EPCAM: variants seen among roughly 807,000 people sequenced by gnomAD.
EPCAM encodes adenocarcinoma-associated antigen.
EPCAM carries 39 observed loss-of-function variants against 40.0 expected under a neutral mutation model. That is an observed-to-expected ratio of 0.98 (90% CI 0.76 to 1.27). The LOEUF is 1.27. Ranked by LOEUF, EPCAM falls within the 50% of genes most tolerant of loss-of-function variation. The pLI is 0.00. For missense variants in EPCAM, 503 were observed against 381.2 expected (o/e 1.32, Z -2.66); for synonymous variants, 168 against 132.3 (o/e 1.27, Z -1.85).
chr2:47,373,205 T>TTAAAAA (rs1553342882), intron 1 of EPCAM, among the ~76,000 whole-genome samples: 3 of 65,048 alleles, frequency 4.6e-5, no homozygotes, highest in Non-Finnish European at 6.4e-5. Context: ...ACCCTATCTT[T>TTAAAAA]AAAAAAAAAA....
intron 8 of EPCAM, 26 bp downstream of exon 8, chr2:47,385,236 A>G: frequency 6.3e-7 from 1 of 1,593,374 alleles, no homozygotes; most frequent in Non-Finnish European, 8.6e-7. Context: ...ACCTAAATAG[A>G]AAGGCCCTGT....
At chr2:47,369,912 A>C (rs538587208) in intron 1 of EPCAM, 6 of 443,810 alleles carry the variant, frequency 1.4e-5, no homozygotes, top group Non-Finnish European at 2.6e-5. Context: ...GCCCTGGCGC[A>C]CCCACGTCCT....
intron 1 of EPCAM, among the ~76,000 whole-genome samples, chr2:47,369,988 CCAGCGGGCTCGCCCTTGTCCTTG>C (rs1165743688): frequency 2.6e-5 from 4 of 152,204 alleles, no homozygotes; most frequent in African/African-American, 9.6e-5. Context: ...ACGACAGGGA[CCAGCGGGCTCGCCCTTGTCCTTG>C]CAGCGGGCCC....
intron 7 of EPCAM, among the ~76,000 whole-genome samples, chr2:47,381,476 C>T (rs962034246): frequency 6.6e-6 from 1 of 151,490 alleles, no homozygotes. Flanking sequence ...CTTAGATTTC[C>T]AGTTCAATCA....
chr2:47,375,191 A>G lies in EPCAM; in HGVS notation c.426-43A>G, dbSNP rs1470830160. The G allele has an allele frequency of 2.8e-6, 4 of 1,404,178 alleles. No individual in the cohort carries two copies. In the East Asian group the frequency reaches 9.1e-5, roughly 32 times the overall value. The allele number at this position is 1,404,178 out of a possible 1,614,324, so 87.0% of individuals were successfully genotyped here. ...TAGCTTATTAGGAAAATAGTATGGA[A>G]GACTGAGTTATAGTCAACTGACATT... On this transcript the variant is annotated intron_variant, in intron 3 of 8. Transcript: ENST00000263735.
intron 1 of EPCAM, among the ~76,000 whole-genome samples, chr2:47,373,228 A>T (rs995288482): frequency 6.6e-6 from 1 of 150,686 alleles, no homozygotes; most frequent in African/African-American, 2.4e-5. Flanking sequence ...AAAAAAAAAA[A>T]AAAAAAACAG....
intron 7 of EPCAM, chr2:47,383,447 G>A (rs1480562009): frequency 6.6e-6 from 1 of 151,130 alleles, no homozygotes; most frequent in Admixed American, 6.6e-5. Context: ...GGGACTACAT[G>A]CAGAAGCCAC....
chr2:47,375,151 C>T (rs184405344), intron 3 of EPCAM, 83 bp from the exon 4 acceptor site: 23 of 1,047,008 alleles, frequency 2.2e-5, no homozygotes, highest in South Asian at 8.0e-5. Flanking sequence ...CCTTATAATT[C>T]GAGAATTTTA....
intron 6 of EPCAM, among the ~76,000 whole-genome samples, 154 bp from the exon 7 acceptor site, chr2:47,379,615 A>G (rs1005250854): frequency 6.6e-6 from 1 of 152,162 alleles, no homozygotes; most frequent in Admixed American, 6.6e-5. Flanking sequence ...TGTAATAAAC[A>G]GTTTTTTAAA....
intron 7 of EPCAM, among the ~76,000 whole-genome samples, chr2:47,380,548 G>T (rs775288858): frequency 6.6e-6 from 1 of 152,106 alleles, no homozygotes; most frequent in African/African-American, 2.4e-5. Flanking sequence ...GCGTCTTTCA[G>T]TTGTCACTGC....
intron 6 of EPCAM, 61 bp from the exon 7 acceptor site, chr2:47,379,708 A>C: frequency 6.4e-7 from 1 of 1,572,150 alleles, no homozygotes; most frequent in East Asian, 2.2e-5. Flanking sequence ...GTATGTAATT[A>C]TATGTGGCCA....
chr2:47,371,364 G>A (rs1018345371), intron 1 of EPCAM, among the ~76,000 whole-genome samples: 1 of 152,036 alleles, frequency 6.6e-6, no homozygotes, highest in Non-Finnish European at 1.5e-5. Flanking sequence ...AGGCTCAAGC[G>A]ATGCTCTTAC....
intron 1 of EPCAM, among the ~76,000 whole-genome samples, chr2:47,371,071 C>T (rs1671249879): frequency 6.6e-6 from 1 of 152,164 alleles, no homozygotes; most frequent in Non-Finnish European, 1.5e-5. Flanking sequence ...TCTCGAACTC[C>T]TGGGCTCAAG....
chr2:47,373,898 A>ATGG lies in EPCAM; in HGVS notation c.276_278dup (p.Gly93dup). The ATGG allele has an allele frequency of 6.2e-7, 1 of 1,614,154 alleles. No individual in the cohort carries two copies. Among genetic ancestry groups the ATGG allele is most frequent in the Non-Finnish European group, 8.5e-7 (1 of 1,180,024 alleles). ...CCTGAAGGGGCCCTCCAGAACAATG[A>ATGG]TGGGCTTTATGATCCTGACTGCGAT... On this transcript the variant is annotated inframe_insertion, in exon 3 of 9. Transcript: ENST00000263735.
At chr2:47,384,742 T>C (rs1671693010) in intron 7 of EPCAM, among the ~76,000 whole-genome samples, 1 of 152,140 alleles carries the variant, frequency 6.6e-6, no homozygotes, top group Non-Finnish European at 1.5e-5. Context: ...GGTCTTACTC[T>C]GTAGCCCAGG....
At chr2:47,382,854 A>G (rs1318800493) in intron 7 of EPCAM, among the ~76,000 whole-genome samples, 1 of 152,192 alleles carries the variant, frequency 6.6e-6, no homozygotes, top group African/African-American at 2.4e-5. Context: ...ATGTTGATAC[A>G]AGCTGTGCAC....
chr2:47,375,895 A>G (rs1033447675), intron 4 of EPCAM, among the ~76,000 whole-genome samples: 1 of 151,934 alleles, frequency 6.6e-6, no homozygotes, highest in East Asian at 1.9e-4. Context: ...TAGTAGAAAC[A>G]GGGTTTCACC....
rs200383246 is a variant in EPCAM at position 47,373,442 on chromosome 2, AT to A, written c.77-11del. ...TTAATAGATCCACATTTTAAAGTAGATTTTTTTTTTAATTTTCTAGAATGTG... is the reference window on the plus strand; with the variant it reads ...TTAATAGATCCACATTTTAAAGTAGATTTTTTTTTAATTTTCTAGAATGTG... On this transcript the variant is annotated intron_variant, in intron 1 of 8. Transcript: ENST00000263735. 3,351 of 1,382,006 alleles carry A rather than the reference AT, an allele frequency of 2.4e-3. No individual in the cohort carries two copies. The highest frequency in any genetic ancestry group is 2.8e-3 in the African/African-American group (196 of 69,362). The allele number at this position is 1,382,006 out of a possible 1,614,324, so 85.6% of individuals were successfully genotyped here. A position where few individuals can be genotyped will look rare whatever the true frequency, so the allele number is the denominator to read the frequency against.
chr2:47,380,934 C>CA (rs1441248793), intron 7 of EPCAM, among the ~76,000 whole-genome samples: 1 of 150,714 alleles, frequency 6.6e-6, no homozygotes, highest in Non-Finnish European at 1.5e-5. Context: ...ACTGAACATA[C>CA]AAAAAAATTA....
Sources: allele counts gnomAD v4.1 joint callset (sites outside exome capture counted in the v4.1 genomes callset), GRCh38; gene constraint gnomAD v4.1.1; transcripts MANE v1.5; gene names NCBI Gene and HGNC (gene_info 2026-07-23, HGNC 2026-07-21).